Variants in TACR1 observed in about 807,000 individuals in gnomAD.
The protein encoded by TACR1 is substance-P receptor.
A neutral mutation model predicts 35.8 loss-of-function variants in TACR1; 25 were observed. The ratio of observed to expected loss-of-function variants is 0.70; its 90% CI spans 0.51 to 0.98. The LOEUF is 0.98. TACR1 is among the 50% of genes least tolerant of loss of function. TACR1 has a pLI of 0.00. For missense variants in TACR1, 478 were observed against 522.9 expected (o/e 0.91, Z 0.84); for synonymous variants, 195 against 206.7 (o/e 0.94, Z 0.48).
chr2:75,175,226 G>A (rs959427827), intron 1 of TACR1, among the ~76,000 whole-genome samples: 3 of 152,172 alleles, frequency 2.0e-5, no homozygotes, highest in Admixed American at 6.5e-5. Flanking sequence ...TGGGAACCAG[G>A]AACGCTAGAT....
chr2:75,158,491 G>A lies in TACR1; in HGVS notation c.390-37723C>T, dbSNP rs541025359. Reference sequence around the variant, plus strand: ...AGCAAAAATTAAAATGGTCCTGGGGGAAGAGTGCTCTATCGCAGGCCTCAG... The same window carrying A: ...AGCAAAAATTAAAATGGTCCTGGGGAAAGAGTGCTCTATCGCAGGCCTCAG... On this transcript the variant is annotated intron_variant, in intron 1 of 4. Coordinates refer to ENST00000305249, the MANE Select transcript of TACR1 (RefSeq NM_001058.4). Among the ~76,000 whole-genome samples the A allele has an allele frequency of 3.9e-5, 6 of 152,280 alleles. No individual in the cohort carries two copies. In the South Asian group the frequency reaches 6.2e-4, roughly 16 times the overall value.
intron 1 of TACR1, among the ~76,000 whole-genome samples, chr2:75,127,837 A>C (rs1674103592): frequency 6.6e-6 from 1 of 152,212 alleles, no homozygotes; most frequent in South Asian, 2.1e-4. Flanking sequence ...AATTTTGTTT[A>C]TCCTTTAAAT....
chr2:75,067,510 C>T (rs1360311881), intron 2 of TACR1, among the ~76,000 whole-genome samples: 2 of 152,048 alleles, frequency 1.3e-5, no homozygotes, highest in Non-Finnish European at 2.9e-5. Context: ...TTTTGAGATG[C>T]TTGAAGTATA....
At chr2:75,189,806 G>A (rs182162378) in intron 1 of TACR1, 96 of 152,294 alleles carry the variant, frequency 6.3e-4, no homozygotes, top group African/African-American at 2.2e-3. Flanking sequence ...AAAGCCAGAT[G>A]TATCAAATTT....
chr2:75,082,258 T>C (rs1673103128), intron 2 of TACR1, among the ~76,000 whole-genome samples: 1 of 152,212 alleles, frequency 6.6e-6, no homozygotes, highest in Non-Finnish European at 1.5e-5. Context: ...ACTCATCCTT[T>C]TTTATGGCTG....
chr2:75,114,871 A>G (rs542709579), intron 2 of TACR1, among the ~76,000 whole-genome samples: 73 of 152,300 alleles, frequency 4.8e-4, no homozygotes, highest in African/African-American at 1.7e-3. Flanking sequence ...CTAACTCCCC[A>G]TTTTCATGAA....
rs897595914 is a variant in TACR1, at chr2:75,048,685, C to T, written c.*747G>A. On this transcript the variant is annotated 3_prime_UTR_variant, in exon 5 of 5. Coordinates refer to ENST00000305249, the MANE Select transcript of TACR1 (RefSeq NM_001058.4). Reference sequence around the variant, plus strand: ...TTATCTAGTTCAGTCCCCTTGTTTACAAGTAGGAAAAGAGGGTCAACTACA... The same window carrying T: ...TTATCTAGTTCAGTCCCCTTGTTTATAAGTAGGAAAAGAGGGTCAACTACA... 9 of 151,990 alleles carry T rather than the reference C, an allele frequency of 5.9e-5. No homozygotes were observed. The highest frequency in any genetic ancestry group is 2.0e-4 in the Admixed American group (3 of 15,258). 9.4% of individuals were successfully genotyped at this position (151,990 alleles called of 1,614,324 possible).
At chr2:75,118,090 A>T (rs977232848) in intron 2 of TACR1, among the ~76,000 whole-genome samples, 1 of 152,192 alleles carries the variant, frequency 6.6e-6, no homozygotes, top group African/African-American at 2.4e-5. Context: ...CCTCAAAACA[A>T]GTTTCCATCT....
At chr2:75,056,665 C>G (rs17010702) in intron 2 of TACR1, among the ~76,000 whole-genome samples, 2,396 of 152,234 alleles carry the variant, frequency 0.016, 65 homozygotes, top group African/African-American at 0.055. Context: ...CTGCTCTTTC[C>G]CTTTGTGAAA....
intron 1 of TACR1, among the ~76,000 whole-genome samples, chr2:75,144,993 A>T (rs1437480036): frequency 2.0e-5 from 3 of 152,134 alleles, no homozygotes; most frequent in Non-Finnish European, 4.4e-5. Context: ...GAATTTTAGA[A>T]AGAAATACAA....
intron 1 of TACR1, among the ~76,000 whole-genome samples, chr2:75,160,530 C>A (rs986698114): frequency 6.6e-6 from 1 of 151,462 alleles, no homozygotes; most frequent in Non-Finnish European, 1.5e-5. Context: ...GACAAAAAGG[C>A]AGGAATAAAG....
At chr2:75,124,451 C>T (rs564062791) in intron 1 of TACR1, among the ~76,000 whole-genome samples, 3 of 152,198 alleles carry the variant, frequency 2.0e-5, no homozygotes, top group Non-Finnish European at 2.9e-5. Context: ...AGTTTCTGCC[C>T]TCACTTCTCC....
At chr2:75,133,259 G>A (rs1266445856) in intron 1 of TACR1, among the ~76,000 whole-genome samples, 1 of 152,058 alleles carries the variant, frequency 6.6e-6, no homozygotes, top group Non-Finnish European at 1.5e-5. Context: ...TATCTTATTC[G>A]GCATTTTTTA....
intron 1 of TACR1, among the ~76,000 whole-genome samples, chr2:75,138,629 T>C (rs1404699606): frequency 6.6e-6 from 1 of 152,176 alleles, no homozygotes; most frequent in Non-Finnish European, 1.5e-5. Context: ...TTACATACCA[T>C]GGTAAACAAG....
intron 2 of TACR1, among the ~76,000 whole-genome samples, chr2:75,086,566 A>G (rs1313859782): frequency 6.6e-6 from 1 of 152,160 alleles, no homozygotes; most frequent in Non-Finnish European, 1.5e-5. Flanking sequence ...TATATCTCCA[A>G]GAGGAAGCAA....
intron 1 of TACR1, among the ~76,000 whole-genome samples, chr2:75,135,634 A>T (rs1674266258): frequency 6.6e-6 from 1 of 152,236 alleles, no homozygotes; most frequent in Admixed American, 6.5e-5. Flanking sequence ...GGAAATACTC[A>T]GTTTATAACT....
intron 2 of TACR1, among the ~76,000 whole-genome samples, chr2:75,056,086 G>A (rs573366153): frequency 1.1e-4 from 16 of 152,300 alleles, no homozygotes; most frequent in Admixed American, 4.6e-4. Context: ...TAGACATCTA[G>A]CACTGAGAAC....
intron 1 of TACR1, among the ~76,000 whole-genome samples, chr2:75,174,043 G>A (rs1488938247): frequency 6.6e-6 from 1 of 152,070 alleles, no homozygotes; most frequent in Non-Finnish European, 1.5e-5. Context: ...ACACTCTCCT[G>A]CCTCACTCCC....
At chr2:75,125,007 T>G (rs757998736) in intron 1 of TACR1, among the ~76,000 whole-genome samples, 5 of 152,188 alleles carry the variant, frequency 3.3e-5, no homozygotes, top group Non-Finnish European at 7.3e-5. Context: ...ATCTGGGATG[T>G]TTTTCCTCCT....
Sources: gnomAD v4.1 joint callset for allele counts (sites outside exome capture counted in the v4.1 genomes callset) on GRCh38, gnomAD v4.1.1 for gene constraint, MANE v1.5 for transcripts, NCBI Gene and HGNC (gene_info 2026-07-23, HGNC 2026-07-21) for gene names.